Variants in PASD1 observed in about 807,000 individuals in gnomAD.
PASD1 encodes circadian clock protein PASD1.
A neutral mutation model predicts 58.8 loss-of-function variants in PASD1; 13 were observed. That is an observed-to-expected ratio of 0.22 (90% CI 0.14 to 0.35). The LOEUF is 0.35. Ranked by LOEUF, PASD1 falls within the 10% of genes least tolerant of loss-of-function variation. The pLI, the probability that PASD1 is intolerant of heterozygous loss-of-function variation, is 1.00. For missense variants in PASD1, 734 were observed against 568.3 expected, an observed-to-expected ratio of 1.29 and a Z score of -2.96; for synonymous variants, 236 against 216.7, an observed-to-expected ratio of 1.09 and a Z score of -0.78.
At chrX:151,675,003 C>T (rs184642396) in intron 15 of PASD1, among the ~76,000 whole-genome samples, 1 of 111,863 alleles carries the variant, frequency 8.9e-6, no homozygotes, top group East Asian at 2.8e-4. Context: ...GGACTGCTCA[C>T]ACGGAGAGAT....
intron 8 of PASD1, among the ~76,000 whole-genome samples, chrX:151,637,936 A>T (rs1364038684): frequency 1.8e-5 from 2 of 111,102 alleles, no homozygotes; most frequent in Non-Finnish European, 3.8e-5. Flanking sequence ...TTCATTTTTT[A>T]TTCACAAAAT....
At chrX:151,664,455 T>C (rs890630181) in intron 11 of PASD1, 107 bp downstream of exon 11, 2 of 1,103,700 alleles carry the variant, frequency 1.8e-6, no homozygotes, top group Non-Finnish European at 1.2e-6. Flanking sequence ...AGAAAGTATG[T>C]TTGTTACTTT....
At chrX:151,600,399 T>C (rs908990944) in intron 1 of PASD1, among the ~76,000 whole-genome samples, 7 of 111,436 alleles carry the variant, frequency 6.3e-5, no homozygotes, top group African/African-American at 2.3e-4. Flanking sequence ...GTGCCTTATT[T>C]GTGGAAATTC....
rs770596962 is a variant in PASD1, at chrX:151,620,312, G to A, written c.208-618G>A. On this transcript the variant is annotated intron_variant, in intron 4 of 15. Transcript: ENST00000370357. ...TCTTTTCATAGTCTACAGAAAAATG[G>A]GATGCAGTGCACAGGTGAAGGAGTG... 7.2e-5 allele frequency among the ~76,000 whole-genome samples: 8 copies of A among 111,300 alleles called. No individual in the cohort carries two copies. The South Asian group carries it at 3.0e-3, about 42-fold the overall frequency.
Position 151,672,381 on chromosome X carries a change from C to T in PASD1, c.1636C>T (p.Arg546Trp), listed in dbSNP as rs144296185. Residue 546 changes from arginine to tryptophan, a missense_variant, in exon 14 of 16, where the codon CGG becomes TGG. Arg to Trp is a moderately radical substitution (Grantham distance 101). Coordinates refer to ENST00000370357, the MANE Select transcript of PASD1 (RefSeq NM_173493.3). ...RRQKKKKLQE[R>W]KKWQGQMLQK... ...GCAAAAGAAGAAGAAGCTACAGGAG[C>T]GGAAGAAGTGGCAGGGGCAGATGCT... 113 of 1,204,862 alleles carry T rather than the reference C, an allele frequency of 9.4e-5. No homozygotes were observed. The highest frequency in any genetic ancestry group is 4.8e-4 in the Middle Eastern group (2 of 4,147).
At chrX:151,574,717 T>C (rs1206775822) in intron 1 of PASD1, among the ~76,000 whole-genome samples, 1 of 112,461 alleles carries the variant, frequency 8.9e-6, no homozygotes, top group Non-Finnish European at 1.9e-5. Context: ...AAAAATGGTG[T>C]GTCCCTCAGA....
intron 8 of PASD1, among the ~76,000 whole-genome samples, chrX:151,647,138 G>A (rs1181388866): frequency 1.8e-5 from 2 of 111,611 alleles, no homozygotes; most frequent in Non-Finnish European, 3.8e-5. Flanking sequence ...GGATATGTGG[G>A]TCTACAGCTT....
chrX:151,655,059 T>G (rs2014219385), intron 9 of PASD1, among the ~76,000 whole-genome samples: 1 of 109,940 alleles, frequency 9.1e-6, no homozygotes, highest in South Asian at 4.0e-4. Context: ...TGTGTCCAAG[T>G]GTTCTCATTG....
intron 4 of PASD1, among the ~76,000 whole-genome samples, chrX:151,612,621 A>C (rs1249374166): frequency 1.8e-5 from 2 of 111,127 alleles, no homozygotes; most frequent in African/African-American, 3.3e-5. Context: ...TCTTCTTTTG[A>C]GAAGTGTCTG....
chrX:151,653,759 TTTCTTTCTTTCTTTC>T (rs2014172699), intron 9 of PASD1, among the ~76,000 whole-genome samples: 1 of 2,683 alleles, frequency 3.7e-4, no homozygotes, highest in Admixed American at 5.5e-3. Context: ...TCCTTCTTTC[TTTCTTTCTTTCTTTC>T]TTTCTTTCTT....
At chrX:151,608,841 T>C (rs1038498853) in intron 3 of PASD1, among the ~76,000 whole-genome samples, 4 of 111,693 alleles carry the variant, frequency 3.6e-5, no homozygotes, top group Non-Finnish European at 5.7e-5. Context: ...TTCAAATTTA[T>C]TGGCATAAAG....
At chrX:151,673,308 C>G (rs1335232418) in intron 14 of PASD1, 1 of 116,817 alleles carries the variant, frequency 8.6e-6, no homozygotes, top group East Asian at 2.7e-4. Flanking sequence ...AGTTGGGGCC[C>G]ACTAAATAGT....
intron 1 of PASD1, among the ~76,000 whole-genome samples, chrX:151,591,954 A>G (rs2013256848): frequency 8.9e-6 from 1 of 111,990 alleles, no homozygotes; most frequent in Non-Finnish European, 1.9e-5. Context: ...TCAAAATTTT[A>G]ATGCCTCTTT....
intron 1 of PASD1, among the ~76,000 whole-genome samples, chrX:151,591,024 A>G (rs911349838): frequency 2.7e-5 from 3 of 112,141 alleles, no homozygotes; most frequent in Non-Finnish European, 1.9e-5. Flanking sequence ...ACAGGAGCCC[A>G]GATTTTGATC....
At chrX:151,605,587 T>C (rs1249153606) in intron 3 of PASD1, among the ~76,000 whole-genome samples, 1 of 111,342 alleles carries the variant, frequency 9.0e-6, no homozygotes, top group East Asian at 2.8e-4. Flanking sequence ...TTTTCTTCCT[T>C]TTAAGAAACA....
intron 1 of PASD1, among the ~76,000 whole-genome samples, chrX:151,566,713 C>G (rs906800490): frequency 8.9e-6 from 1 of 111,918 alleles, no homozygotes; most frequent in African/African-American, 3.2e-5. Context: ...ATTTGAAAAT[C>G]TGAAGTCCAA....
chrX:151,628,899 T>C (rs1179235310), intron 8 of PASD1, among the ~76,000 whole-genome samples: 21 of 111,257 alleles, frequency 1.9e-4, no homozygotes, highest in Non-Finnish European at 9.4e-5. Context: ...CTTGAAGAGG[T>C]CCTTCACATC....
At chrX:151,639,784 G>C (rs1224674084) in intron 8 of PASD1, among the ~76,000 whole-genome samples, 3 of 111,623 alleles carry the variant, frequency 2.7e-5, no homozygotes, top group African/African-American at 9.8e-5. Flanking sequence ...ACACAGACTA[G>C]CTCATTTTAT....
chrX:151,668,710 TA>T (rs1465680029), intron 11 of PASD1, among the ~76,000 whole-genome samples: 1 of 110,277 alleles, frequency 9.1e-6, no homozygotes, highest in Admixed American at 9.7e-5. Context: ...ATTGAGGCAA[TA>T]ATTAATAGCT....
Sources: allele counts gnomAD v4.1 joint callset (sites outside exome capture counted in the v4.1 genomes callset), GRCh38; gene constraint gnomAD v4.1.1; transcripts MANE v1.5; gene names NCBI Gene and HGNC (gene_info 2026-07-23, HGNC 2026-07-21).